Variants in SYT2 observed in about 807,000 individuals in gnomAD.
SYT2 encodes the protein synaptotagmin 2.
In SYT2, 15 loss-of-function variants were observed where a neutral mutation model predicts 39.9. That is an observed-to-expected ratio of 0.38 (90% CI 0.25 to 0.58). The LOEUF (loss-of-function observed/expected upper bound fraction) is 0.58, where lower values mean the gene tolerates loss of function less well. SYT2 is among the 20% of genes least tolerant of loss of function. The probability of loss-of-function intolerance (pLI) is 0.70; values close to 1 mark genes in which losing one functional copy is unlikely to be tolerated. For missense variants in SYT2, 389 were observed against 530.3 expected (o/e 0.73, Z 2.62); for synonymous variants, 181 against 204.5 (o/e 0.89, Z 0.98).
Position 202,594,331 on chromosome 1 carries a change from G to A in SYT2, c.*2426C>T, listed in dbSNP as rs936302740. The A allele has an allele frequency of 6.6e-6, 1 of 152,236 alleles. No individual in the cohort carries two copies. The highest frequency in any genetic ancestry group is 2.4e-5 in the African/African-American group (1 of 41,450). 9.4% of individuals were successfully genotyped at this position (152,236 alleles called of 1,614,324 possible). A position where few individuals can be genotyped will look rare whatever the true frequency, so the allele number is the denominator to read the frequency against. ...CCCTGTCAAGGGAATGCAAATCTTG[G>A]GCTTTGGAAGGGCTGAATGAAGTTC... On this transcript the variant is annotated 3_prime_UTR_variant, in exon 9 of 9. Coordinates refer to ENST00000367268, the MANE Select transcript of SYT2 (RefSeq NM_177402.5).
chr1:202,629,810 G>A (rs1199742233), intron 1 of SYT2, among the ~76,000 whole-genome samples: 1 of 136,182 alleles, frequency 7.3e-6, no homozygotes, highest in Non-Finnish European at 1.5e-5. Context: ...TTGACATTAG[G>A]TAAGACCTAG....
chr1:202,604,176 C>T, intron 3 of SYT2: 1 of 346,018 alleles, frequency 2.9e-6, no homozygotes, highest in Non-Finnish European at 5.3e-6. Flanking sequence ...CTGTCTCTTT[C>T]CAACATTTTG....
At chr1:202,621,264 G>A (rs1691195960) in intron 1 of SYT2, among the ~76,000 whole-genome samples, 1 of 152,156 alleles carries the variant, frequency 6.6e-6, no homozygotes, top group Admixed American at 6.5e-5. Flanking sequence ...TTGCAAAGGA[G>A]AAAACAAATG....
In SYT2 at chr1:202,633,303, G is replaced by A. The variant is rs146721673; in HGVS notation, c.-17-27514C>T. On this transcript the variant is annotated intron_variant, in intron 1 of 8. Coordinates refer to ENST00000367268, the MANE Select transcript of SYT2 (RefSeq NM_177402.5). ...AGGCCAAGCCTCCAAAGACGGCTGG[G>A]TAGTTCATTGGAATGAGGGCTGCAG... 3.0e-3 allele frequency among the ~76,000 whole-genome samples: 464 copies of A among 152,294 alleles called. 4 individuals are homozygous for A. Among genetic ancestry groups the A allele is most frequent in the African/African-American group, 0.011 (444 of 41,570 alleles).
chr1:202,634,347 A>G (rs561731999), intron 1 of SYT2, among the ~76,000 whole-genome samples: 1 of 152,180 alleles, frequency 6.6e-6, no homozygotes, highest in Non-Finnish European at 1.5e-5. Context: ...GAGAAACCCC[A>G]TCTGTACTAA....
At chr1:202,632,194 G>A (rs1402100933) in intron 1 of SYT2, 1 of 614,304 alleles carries the variant, frequency 1.6e-6, no homozygotes, top group African/African-American at 2.0e-5. Context: ...GGGGGTCTCA[G>A]GAAGCCAAGT....
rs953866247 is a variant in SYT2, at chr1:202,646,204, G to A, written c.-17-40415C>T. Among the ~76,000 whole-genome samples the A allele has an allele frequency of 7.2e-5, 11 of 152,262 alleles. 1 individual carries two copies. Among genetic ancestry groups the A allele is most frequent in the Admixed American group, 7.2e-4 (11 of 15,288 alleles). On this transcript the variant is annotated intron_variant, in intron 1 of 8. Transcript: ENST00000367268. ...GCTTCATGCACCAGCATCTCTAGAT[G>A]CAGCCCTTACCCACCTTCCAGCTTC...
intron 1 of SYT2, among the ~76,000 whole-genome samples, chr1:202,663,460 C>T (rs901817400): frequency 3.3e-5 from 5 of 152,222 alleles, no homozygotes; most frequent in Non-Finnish European, 7.3e-5. Context: ...GGCTCCTCTT[C>T]CTGAATCCCC....
intron 1 of SYT2, among the ~76,000 whole-genome samples, chr1:202,695,307 T>G (rs773273257): frequency 7.0e-4 from 106 of 152,230 alleles, no homozygotes; most frequent in Non-Finnish European, 1.3e-3. Context: ...ATCTGACCCA[T>G]CACCTTGATC....
At chr1:202,681,350 G>C (rs1279865466) in intron 1 of SYT2, among the ~76,000 whole-genome samples, 1 of 152,200 alleles carries the variant, frequency 6.6e-6, no homozygotes, top group African/African-American at 2.4e-5. Context: ...TTAAAAGTGA[G>C]AGCCAGCAGC....
intron 1 of SYT2, among the ~76,000 whole-genome samples, chr1:202,699,519 G>A (rs938890146): frequency 5.9e-5 from 9 of 152,180 alleles, no homozygotes; most frequent in Non-Finnish European, 1.0e-4. Context: ...CAATAGCAGT[G>A]TCACCTTGAG....
chr1:202,599,366 T>A lies in SYT2; in HGVS notation c.920-15A>T. On this transcript the variant is annotated splice_polypyrimidine_tract_variant and intron_variant, in intron 7 of 8. Coordinates refer to ENST00000367268, the MANE Select transcript of SYT2 (RefSeq NM_177402.5). This position sits in a 1 kb window ranked among gnomAD's most constrained non-coding sequence, Gnocchi z 4.4. ...CACGTACGGGTCTGCGGAGGGAGAA[T>A]CCCAACCCCAGAGAGGTTCCCCTTA... The A allele has an allele frequency of 6.3e-7, 1 of 1,579,350 alleles. No individual in the cohort carries two copies. Among genetic ancestry groups the A allele is most frequent in the Non-Finnish European group, 8.6e-7 (1 of 1,168,444 alleles).
At chr1:202,627,468 G>A in intron 1 of SYT2, 5 of 985,416 alleles carry the variant, frequency 5.1e-6, no homozygotes, top group Non-Finnish European at 4.8e-6. Context: ...CCCTGTCTAG[G>A]TCAGACCGTG....
intron 1 of SYT2, among the ~76,000 whole-genome samples, chr1:202,641,425 G>T (rs1207891737): frequency 6.6e-6 from 1 of 152,320 alleles, no homozygotes; most frequent in South Asian, 2.1e-4. Flanking sequence ...ATGTACAGGC[G>T]AGGAAAGCAA....
At chr1:202,675,058 C>G (rs1449353898) in intron 1 of SYT2, among the ~76,000 whole-genome samples, 1 of 152,166 alleles carries the variant, frequency 6.6e-6, no homozygotes, top group African/African-American at 2.4e-5. Flanking sequence ...TTGTTTATTA[C>G]AGCATCCCCT....
chr1:202,626,239 C>T (rs1180538920), intron 1 of SYT2, among the ~76,000 whole-genome samples: 1 of 151,908 alleles, frequency 6.6e-6, no homozygotes, highest in African/African-American at 2.4e-5. Flanking sequence ...GGTCACCAGC[C>T]CCCACCCTCC....
intron 1 of SYT2, among the ~76,000 whole-genome samples, chr1:202,657,714 G>C (rs192442693): frequency 4.1e-4 from 63 of 152,108 alleles, no homozygotes; most frequent in African/African-American, 1.4e-3. Flanking sequence ...AGTGCAGTCA[G>C]CATAGACAAC....
rs1690166688 is a variant in SYT2 at position 202,592,675 on chromosome 1, A to C, written c.*4082T>G. The C allele has an allele frequency of 6.6e-6, 1 of 152,202 alleles. No homozygotes were observed. The highest frequency in any genetic ancestry group is 1.5e-5 in the Non-Finnish European group (1 of 68,044). The allele number at this position is 152,202 out of a possible 1,614,324, so 9.4% of individuals were successfully genotyped here. ...AAGGTTCTTATTTTGTTGTTGCTTAAAAAATAAAGTAATTCATGTGTCTTC... is the reference window on the plus strand; with the variant it reads ...AAGGTTCTTATTTTGTTGTTGCTTACAAAATAAAGTAATTCATGTGTCTTC... On this transcript the variant is annotated 3_prime_UTR_variant, in exon 9 of 9. Coordinates refer to ENST00000367268, the MANE Select transcript of SYT2 (RefSeq NM_177402.5).
intron 1 of SYT2, among the ~76,000 whole-genome samples, chr1:202,618,996 T>C (rs761443134): frequency 6.6e-6 from 1 of 152,174 alleles, no homozygotes; most frequent in Non-Finnish European, 1.5e-5. Flanking sequence ...GCACAGGCAT[T>C]TGGTGGAGGA....
Sources: allele counts gnomAD v4.1 joint callset (sites outside exome capture counted in the v4.1 genomes callset), GRCh38; gene constraint gnomAD v4.1.1; non-coding constraint Gnocchi (gnomAD v3.1); transcripts MANE v1.5; gene names NCBI Gene and HGNC (gene_info 2026-07-23, HGNC 2026-07-21).